SNTG1: variants seen among roughly 807,000 people sequenced by gnomAD.
SNTG1 encodes gamma-1-syntrophin.
Under a neutral mutation model 74.7 loss-of-function variants are expected in SNTG1, and 39 were observed. That is an observed-to-expected ratio of 0.52 (90% CI 0.40 to 0.68). SNTG1 has a LOEUF of 0.68. Ranked by LOEUF, SNTG1 falls within the 30% of genes least tolerant of loss-of-function variation. The pLI is 0.00. For synonymous variants in SNTG1, 254 were observed against 217.1 expected (o/e 1.17, Z -1.49); for missense variants, 685 against 609.5 (o/e 1.12, Z -1.30).
intron 1 of SNTG1, among the ~76,000 whole-genome samples, chr8:49,984,813 C>T (rs887574569): frequency 2.6e-5 from 4 of 151,854 alleles, no homozygotes; most frequent in African/African-American, 9.7e-5. Context: ...AAAAGGTTGC[C>T]CATTCCCCAA....
intron 1 of SNTG1, among the ~76,000 whole-genome samples, chr8:50,059,687 G>T (rs544470263): frequency 6.6e-6 from 1 of 152,116 alleles, no homozygotes; most frequent in East Asian, 1.9e-4. Flanking sequence ...TTTTCAAATT[G>T]TTGAATAGGA....
At chr8:50,609,930 G>T (rs1375384787) in intron 13 of SNTG1, among the ~76,000 whole-genome samples, 1 of 152,022 alleles carries the variant, frequency 6.6e-6, no homozygotes, top group Admixed American at 6.6e-5. Flanking sequence ...ACTTCTGTAA[G>T]TTTTTGTTTG....
At chr8:49,929,324 C>G (rs894727224) in intron 1 of SNTG1, among the ~76,000 whole-genome samples, 7 of 152,322 alleles carry the variant, frequency 4.6e-5, no homozygotes, top group African/African-American at 1.7e-4. Flanking sequence ...ATCTGAATCT[C>G]TTCCTAAATA....
intron 2 of SNTG1, among the ~76,000 whole-genome samples, chr8:50,219,456 G>A (rs904631785): frequency 2.6e-5 from 4 of 152,114 alleles, no homozygotes; most frequent in African/African-American, 9.7e-5. Context: ...TCGCTACAGA[G>A]AACTACCTGA....
chr8:50,389,738 A>G (rs1185731180), intron 2 of SNTG1, among the ~76,000 whole-genome samples: 1 of 152,204 alleles, frequency 6.6e-6, no homozygotes, highest in Non-Finnish European at 1.5e-5. Context: ...CATCCTCTCC[A>G]GCACCTGTTG....
chr8:50,282,934 C>A (rs1169089824), intron 2 of SNTG1, among the ~76,000 whole-genome samples: 5 of 152,122 alleles, frequency 3.3e-5, no homozygotes, highest in African/African-American at 9.7e-5. Flanking sequence ...ATGCAAATAA[C>A]CATATTGCCA....
chr8:50,328,427 G>C (rs574652902), intron 2 of SNTG1, among the ~76,000 whole-genome samples: 1 of 152,170 alleles, frequency 6.6e-6, no homozygotes, highest in Admixed American at 6.5e-5. Context: ...AAGGATAAAG[G>C]TTTAATTGAC....
intron 2 of SNTG1, among the ~76,000 whole-genome samples, chr8:50,305,610 T>G (rs1481176866): frequency 6.6e-6 from 1 of 151,938 alleles, no homozygotes; most frequent in Non-Finnish European, 1.5e-5. Flanking sequence ...ACTTTGTTTT[T>G]GTATTTTTTC....
At chr8:50,770,325 T>C (rs1483437131) in intron 18 of SNTG1, among the ~76,000 whole-genome samples, 1 of 152,144 alleles carries the variant, frequency 6.6e-6, no homozygotes, top group Admixed American at 6.6e-5. Context: ...ATTAAATGTT[T>C]GGAATAACCA....
intron 1 of SNTG1, among the ~76,000 whole-genome samples, chr8:49,939,728 C>A (rs982948704): frequency 6.6e-6 from 1 of 152,120 alleles, no homozygotes; most frequent in Non-Finnish European, 1.5e-5. Context: ...CCAAAATGAA[C>A]AACTTGTTCT....
chr8:50,261,983 G>T (rs1470931883), intron 2 of SNTG1, among the ~76,000 whole-genome samples: 2 of 152,058 alleles, frequency 1.3e-5, no homozygotes, highest in African/African-American at 4.8e-5. Flanking sequence ...TAGAGAATTT[G>T]GCAGGGGTCC....
At chr8:50,579,385 C>T (rs1418385440) in intron 12 of SNTG1, among the ~76,000 whole-genome samples, 3 of 152,122 alleles carry the variant, frequency 2.0e-5, no homozygotes, top group Non-Finnish European at 4.4e-5. Flanking sequence ...AAGAGAACCC[C>T]GTTTTCTAGG....
At chr8:49,939,523 A>G (rs1164650676) in intron 1 of SNTG1, among the ~76,000 whole-genome samples, 2 of 152,098 alleles carry the variant, frequency 1.3e-5, no homozygotes, top group Non-Finnish European at 2.9e-5. Flanking sequence ...CTGGTCTTGA[A>G]CTCCTGGGCT....
chr8:50,772,092 AC>A (rs1224005876), intron 18 of SNTG1, among the ~76,000 whole-genome samples: 1 of 152,064 alleles, frequency 6.6e-6, no homozygotes, highest in African/African-American at 2.4e-5. Context: ...CCAAGTCCTC[AC>A]CAGCACAATG....
chr8:50,023,888 C>T (rs917809089), intron 1 of SNTG1, among the ~76,000 whole-genome samples: 12 of 152,126 alleles, frequency 7.9e-5, no homozygotes, highest in Admixed American at 6.6e-5. Context: ...GTGCCTGAGG[C>T]CTTCTGACCA....
chr8:50,675,293 C>T (rs932503655), intron 15 of SNTG1, among the ~76,000 whole-genome samples: 19 of 151,960 alleles, frequency 1.3e-4, no homozygotes, highest in African/African-American at 4.6e-4. Context: ...ATGTGGCAGT[C>T]TAAGTTTCTT....
intron 2 of SNTG1, among the ~76,000 whole-genome samples, chr8:50,284,414 G>A (rs1586954767): frequency 6.6e-6 from 1 of 152,128 alleles, no homozygotes; most frequent in East Asian, 1.9e-4. Flanking sequence ...TCATTGTTGA[G>A]GCTCATGATG....
chr8:50,720,642 C>T (rs1387330271), intron 17 of SNTG1, among the ~76,000 whole-genome samples: 1 of 152,100 alleles, frequency 6.6e-6, no homozygotes, highest in Non-Finnish European at 1.5e-5. Flanking sequence ...ACAGTTTGAT[C>T]AATTGCTTAA....
intron 1 of SNTG1, among the ~76,000 whole-genome samples, chr8:50,069,299 G>A (rs991495722): frequency 6.6e-6 from 1 of 152,094 alleles, no homozygotes. Flanking sequence ...GCCAGTTTAG[G>A]AGTATTTATA....
Sources: gnomAD v4.1 joint callset for allele counts (sites outside exome capture counted in the v4.1 genomes callset) on GRCh38, gnomAD v4.1.1 for gene constraint, MANE v1.5 for transcripts, NCBI Gene and HGNC (gene_info 2026-07-23, HGNC 2026-07-21) for gene names.